The following ARHGEF3 variants were observed in gnomAD, a reference collection of about 807,000 sequenced individuals.
The protein encoded by ARHGEF3 is Rho guanine nucleotide exchange factor 3.
In ARHGEF3, 28 loss-of-function variants were observed where a neutral mutation model predicts 63.2. The ratio of observed to expected loss-of-function variants is 0.44; its 90% CI spans 0.33 to 0.61. The LOEUF (loss-of-function observed/expected upper bound fraction) is 0.61, where lower values mean the gene tolerates loss of function less well. ARHGEF3 is among the 20% of genes least tolerant of loss of function. ARHGEF3 has a pLI of 0.03. For synonymous variants in ARHGEF3, 266 were observed against 254.2 expected (o/e 1.05, Z -0.44); for missense variants, 533 against 659.3 (o/e 0.81, Z 2.10).
intron 2 of ARHGEF3, among the ~76,000 whole-genome samples, chr3:57,007,953 C>T (rs1283382927): frequency 6.6e-6 from 1 of 152,174 alleles, no homozygotes; most frequent in Non-Finnish European, 1.5e-5. Flanking sequence ...CTTTTCCCGG[C>T]AGGGCTGCTT....
intron 1 of ARHGEF3, among the ~76,000 whole-genome samples, chr3:56,778,338 A>G (rs1486866718): frequency 1.3e-5 from 2 of 152,246 alleles, no homozygotes; most frequent in Non-Finnish European, 2.9e-5. Flanking sequence ...CAGGATGTAA[A>G]CCCAGTCAGG....
intron 3 of ARHGEF3, among the ~76,000 whole-genome samples, chr3:56,905,080 A>G (rs1403501021): frequency 2.6e-5 from 4 of 152,164 alleles, no homozygotes. Context: ...AAGGACTCCT[A>G]TGCATCTTTT....
chr3:57,073,651 C>A, intron 1 of ARHGEF3: 1 of 1,574,104 alleles, frequency 6.4e-7, no homozygotes, highest in Non-Finnish European at 8.6e-7. Context: ...GGCCAAGTGC[C>A]CCAGCCTCCT....
intron 2 of ARHGEF3, among the ~76,000 whole-genome samples, chr3:57,027,285 C>A (rs1703514682): frequency 6.6e-6 from 1 of 152,206 alleles, no homozygotes; most frequent in African/African-American, 2.4e-5. Flanking sequence ...CCCTAACACC[C>A]TCCTGGCAGT....
intron 4 of ARHGEF3, among the ~76,000 whole-genome samples, chr3:56,815,934 C>T (rs138553226): frequency 4.7e-4 from 71 of 152,320 alleles, no homozygotes; most frequent in African/African-American, 1.7e-3. Flanking sequence ...AGATGACTGA[C>T]TGGGCTTGGT....
chr3:56,842,626 T>C (rs913711750), intron 4 of ARHGEF3, among the ~76,000 whole-genome samples: 2 of 152,146 alleles, frequency 1.3e-5, no homozygotes, highest in African/African-American at 2.4e-5. Context: ...CCCCCTACAA[T>C]CATGTAGCCC....
At chr3:56,841,256 T>C (rs893231471) in intron 4 of ARHGEF3, among the ~76,000 whole-genome samples, 2 of 152,174 alleles carry the variant, frequency 1.3e-5, no homozygotes, top group Non-Finnish European at 2.9e-5. Flanking sequence ...CAGGAAAAGC[T>C]TGAGTCAACC....
intron 3 of ARHGEF3, among the ~76,000 whole-genome samples, chr3:56,957,748 G>A (rs2106736820): frequency 6.6e-6 from 1 of 152,322 alleles, no homozygotes; most frequent in South Asian, 2.1e-4. Flanking sequence ...GCCCGGAGCA[G>A]TGTGTGTAGG....
rs150521463 is a variant in ARHGEF3, at chr3:56,972,110, G to A, written c.63-13221C>T. Among the ~76,000 whole-genome samples the A allele has an allele frequency of 8.1e-4, 123 of 152,150 alleles. 3 individuals are homozygous for A. The highest frequency in any genetic ancestry group is 2.7e-3 in the African/African-American group (112 of 41,454). On this transcript the variant is annotated intron_variant, in intron 2 of 12. Coordinates refer to the ARHGEF3 transcript ENST00000338458. ...ACATTTCTGTGTGTTGGTCAGCTAC[G>A]ATAAACACTTCTAGAACCAATTCAG...
intron 2 of ARHGEF3, among the ~76,000 whole-genome samples, chr3:56,962,647 G>A (rs570537763): frequency 6.6e-6 from 1 of 152,308 alleles, no homozygotes; most frequent in East Asian, 1.9e-4. Context: ...AGGGGTTGGA[G>A]TTGGGGGGCT....
In ARHGEF3 at chr3:56,740,270, TA is replaced by T. The variant is rs11445737; in HGVS notation, c.871-2916del. Among the ~76,000 whole-genome samples the T allele has an allele frequency of 2.0e-4, 30 of 148,372 alleles. 1 individual carries two copies. Among genetic ancestry groups the T allele is most frequent in the South Asian group, 4.2e-4 (2 of 4,714 alleles). On this transcript the variant is annotated intron_variant, in intron 7 of 9. Coordinates refer to ENST00000296315, the MANE Select transcript of ARHGEF3 (RefSeq NM_019555.3). ...GGTGGTAGCACTCACTACTTTGATT[TA>T]AAAAAAAAAACCCTTATTTTAAAAA... is the stretch of plus-strand genomic sequence containing the variant.
intron 2 of ARHGEF3, among the ~76,000 whole-genome samples, chr3:56,760,925 C>T (rs1208417124): frequency 6.6e-6 from 1 of 152,078 alleles, no homozygotes; most frequent in African/African-American, 2.4e-5. Flanking sequence ...TTTCTTACTC[C>T]ACTCAGAAGG....
At chr3:56,838,314 G>A (rs1008228086) in intron 4 of ARHGEF3, among the ~76,000 whole-genome samples, 2 of 151,994 alleles carry the variant, frequency 1.3e-5, no homozygotes, top group African/African-American at 2.4e-5. Flanking sequence ...CATAATACTG[G>A]GGTGAATGTT....
chr3:56,815,658 G>A (rs2038242693), intron 4 of ARHGEF3, among the ~76,000 whole-genome samples: 1 of 152,242 alleles, frequency 6.6e-6, no homozygotes, highest in African/African-American at 2.4e-5. Flanking sequence ...AAATGGGATA[G>A]AACTGGCCTA....
In ARHGEF3 at chr3:56,728,698, C is replaced by G. The variant is rs1182409041; in HGVS notation, c.*572G>C. ...AAGTTGCAAAGTTCAGACAATGCATCCTCCTTTGCAAAATTAAGCCTTCAG... is the reference window on the plus strand; with the variant it reads ...AAGTTGCAAAGTTCAGACAATGCATGCTCCTTTGCAAAATTAAGCCTTCAG... On this transcript the variant is annotated 3_prime_UTR_variant, in exon 10 of 10. Transcript: ENST00000296315. 6.5e-6 allele frequency: 1 copy of G among 152,792 alleles called. No homozygotes were observed. Among genetic ancestry groups the G allele is most frequent in the Non-Finnish European group, 1.5e-5 (1 of 68,432 alleles). The allele number at this position is 152,792 out of a possible 1,614,324, so 9.5% of individuals were successfully genotyped here. A position where few individuals can be genotyped will look rare whatever the true frequency, so the allele number is the denominator to read the frequency against.
At chr3:57,013,628 A>G (rs997176810) in intron 2 of ARHGEF3, among the ~76,000 whole-genome samples, 1 of 152,204 alleles carries the variant, frequency 6.6e-6, no homozygotes, top group East Asian at 1.9e-4. Context: ...AAATGCACCA[A>G]TCAGCACCCT....
chr3:56,943,476 A>G (rs1051339885), intron 3 of ARHGEF3, among the ~76,000 whole-genome samples: 13 of 152,190 alleles, frequency 8.5e-5, no homozygotes, highest in African/African-American at 2.9e-4. Flanking sequence ...ATTACTGCTC[A>G]CTGACAATGC....
rs941980805 is a variant in ARHGEF3, at chr3:57,045,476, T to C, written c.-27-10300A>G. On this transcript the variant is annotated intron_variant, in intron 1 of 12. Coordinates refer to the ARHGEF3 transcript ENST00000338458. The stretch of plus-strand genomic sequence containing the variant: ...CCATTCTGTGCTGCCTACTGTATGA[T>C]AGGCATGGACCCAGCAATGGGTTGT... Among the ~76,000 whole-genome samples, 149 of 152,306 alleles carry C rather than the reference T, an allele frequency of 9.8e-4. No individual in the cohort carries two copies. In the Middle Eastern group the frequency reaches 0.01, roughly 10 times the overall value.
intron 2 of ARHGEF3, among the ~76,000 whole-genome samples, chr3:56,765,997 GA>G (rs969357325): frequency 4.1e-5 from 6 of 145,686 alleles, no homozygotes; most frequent in Admixed American, 4.1e-4. Flanking sequence ...AGAGACAACA[GA>G]AAAAAAAAAG....
Sources: gnomAD v4.1 joint callset for allele counts (sites outside exome capture counted in the v4.1 genomes callset) on GRCh38, gnomAD v4.1.1 for gene constraint, MANE v1.5 for transcripts, NCBI Gene and HGNC (gene_info 2026-07-23, HGNC 2026-07-21) for gene names.